Variants in CPNE8 observed in about 807,000 individuals in gnomAD.
CPNE8 encodes the protein copine-8.
A neutral mutation model predicts 81.5 loss-of-function variants in CPNE8; 45 were observed. The observed-to-expected ratio is 0.55, with a 90% CI of 0.44 to 0.71. CPNE8 has a LOEUF of 0.71. Ranked by LOEUF, CPNE8 falls within the 30% of genes least tolerant of loss-of-function variation. The probability of loss-of-function intolerance (pLI) is 0.00; values close to 1 mark genes in which losing one functional copy is unlikely to be tolerated. For synonymous variants in CPNE8, 252 were observed against 226.3 expected, an observed-to-expected ratio of 1.11 and a Z score of -1.02; for missense variants, 594 against 672.1, an observed-to-expected ratio of 0.88 and a Z score of 1.28.
intron 3 of CPNE8, among the ~76,000 whole-genome samples, chr12:38,853,774 C>A (rs1471324964): frequency 6.6e-6 from 1 of 152,024 alleles, no homozygotes; most frequent in Non-Finnish European, 1.5e-5. Context: ...AAATACTCCT[C>A]ATTTCTAAAT....
chr12:38,672,996 AT>A (rs776472587), intron 18 of CPNE8, among the ~76,000 whole-genome samples: 4 of 152,144 alleles, frequency 2.6e-5, no homozygotes, highest in African/African-American at 4.8e-5. Flanking sequence ...TAAAATTGTA[AT>A]TCCCATGTGT....
chr12:38,799,968 C>A (rs1211312414), intron 6 of CPNE8, among the ~76,000 whole-genome samples: 1 of 148,944 alleles, frequency 6.7e-6, no homozygotes, highest in East Asian at 2.0e-4. Flanking sequence ...AAACGGCGCA[C>A]CACGAGACTG....
chr12:38,695,693 C>T (rs913686081), intron 14 of CPNE8, among the ~76,000 whole-genome samples: 3 of 152,104 alleles, frequency 2.0e-5, no homozygotes, highest in Non-Finnish European at 4.4e-5. Context: ...AATCCTAGCA[C>T]TCTGGGAGGC....
intron 6 of CPNE8, among the ~76,000 whole-genome samples, chr12:38,789,788 A>G (rs577740617): frequency 6.6e-6 from 1 of 152,042 alleles, no homozygotes; most frequent in South Asian, 2.1e-4. Context: ...AATGGGCAAA[A>G]GATCTGAATC....
At chr12:38,765,911 T>C (rs1399802592) in intron 8 of CPNE8, among the ~76,000 whole-genome samples, 1 of 152,040 alleles carries the variant, frequency 6.6e-6, no homozygotes, top group Non-Finnish European at 1.5e-5. Flanking sequence ...CAGGCTAGAG[T>C]GCAATGGCAC....
intron 14 of CPNE8, among the ~76,000 whole-genome samples, chr12:38,695,048 TA>T (rs1349620054): frequency 6.6e-6 from 1 of 152,182 alleles, no homozygotes; most frequent in African/African-American, 2.4e-5. Context: ...ACAAAATCAC[TA>T]AAAAAGTATC....
chr12:38,808,059 T>A (rs1942854369), intron 6 of CPNE8, among the ~76,000 whole-genome samples: 2 of 151,996 alleles, frequency 1.3e-5, no homozygotes, highest in African/African-American at 4.8e-5. Flanking sequence ...TGAGATATCA[T>A]CTCACACCAG....
intron 1 of CPNE8, among the ~76,000 whole-genome samples, chr12:38,896,751 A>T (rs1390605846): frequency 6.6e-6 from 1 of 152,050 alleles, no homozygotes; most frequent in Non-Finnish European, 1.5e-5. Flanking sequence ...GTTTTATTCC[A>T]CACTCTCTCC....
At chr12:38,904,497 C>A (rs1944535177) in intron 1 of CPNE8, among the ~76,000 whole-genome samples, 1 of 131,818 alleles carries the variant, frequency 7.6e-6, no homozygotes, top group Non-Finnish European at 1.5e-5. Context: ...GAGATGGAGT[C>A]TTGCGCTGTC....
At chr12:38,799,774 CA>C (rs531251093) in intron 6 of CPNE8, among the ~76,000 whole-genome samples, 184 of 142,676 alleles carry the variant, frequency 1.3e-3, no homozygotes, top group African/African-American at 4.2e-3. Context: ...GAGTGCCAGA[CA>C]GTGGGCGCAG....
chr12:38,658,304 T>C (rs537794240), intron 19 of CPNE8, among the ~76,000 whole-genome samples: 7 of 152,194 alleles, frequency 4.6e-5, no homozygotes, highest in East Asian at 3.9e-4. Flanking sequence ...ATATCAGTGA[T>C]TGAAGATCAA....
chr12:38,766,582 A>G (rs994883662), intron 8 of CPNE8, among the ~76,000 whole-genome samples: 2 of 152,148 alleles, frequency 1.3e-5, no homozygotes, highest in African/African-American at 2.4e-5. Flanking sequence ...ATCATTTTAA[A>G]CTGGCCAGTG....
At chr12:38,855,519 A>G (rs1374297347) in intron 3 of CPNE8, among the ~76,000 whole-genome samples, 1 of 152,134 alleles carries the variant, frequency 6.6e-6, no homozygotes, top group Non-Finnish European at 1.5e-5. Context: ...TGTCATAACA[A>G]CATATAATGA....
intron 15 of CPNE8, among the ~76,000 whole-genome samples, chr12:38,690,412 A>AC (rs1160627157): frequency 6.6e-6 from 1 of 152,208 alleles, no homozygotes; most frequent in Non-Finnish European, 1.5e-5. Context: ...CTTTGAAAAA[A>AC]ATTAAAGTAA....
chr12:38,708,458 T>A (rs1297613142), intron 13 of CPNE8, among the ~76,000 whole-genome samples: 1 of 152,182 alleles, frequency 6.6e-6, no homozygotes, highest in Non-Finnish European at 1.5e-5. Context: ...CGAAACATTT[T>A]GTTTAGGAAG....
rs1940803050 is a variant in CPNE8, at chr12:38,730,369, A to AG, written c.723-12dup. 1 of 1,314,020 alleles carries AG rather than the reference A, an allele frequency of 7.6e-7. No individual in the cohort carries two copies. The highest frequency in any genetic ancestry group is 1.0e-6 in the Non-Finnish European group (1 of 971,954). 81.4% of individuals were successfully genotyped at this position (1,314,020 alleles called of 1,614,324 possible). On this transcript the variant is annotated splice_polypyrimidine_tract_variant and intron_variant, in intron 10 of 19. Transcript: ENST00000331366. ...CCAATGAAATCATGACTAAAATTAA[A>AG]GGAAAAAAGTACATAATATTGGCTT...
intron 14 of CPNE8, among the ~76,000 whole-genome samples, chr12:38,697,339 C>A (rs1252261555): frequency 6.6e-6 from 1 of 152,122 alleles, no homozygotes; most frequent in Non-Finnish European, 1.5e-5. Context: ...TTATAGCCTG[C>A]ATGTATTAGT....
intron 6 of CPNE8, 109 bp downstream of exon 6, chr12:38,829,267 CAAG>C (rs1565638313): frequency 3.0e-6 from 2 of 658,452 alleles, no homozygotes; most frequent in Non-Finnish European, 2.7e-6. Flanking sequence ...AAAACTCAAA[CAAG>C]ATTTTAAAAC....
At chr12:38,677,042 T>C (rs937175556) in intron 17 of CPNE8, among the ~76,000 whole-genome samples, 22 of 152,148 alleles carry the variant, frequency 1.4e-4, no homozygotes, top group African/African-American at 5.1e-4. Context: ...GGATGGTTTT[T>C]TAATCAATCA....
Sources: allele counts gnomAD v4.1 joint callset (sites outside exome capture counted in the v4.1 genomes callset), GRCh38; gene constraint gnomAD v4.1.1; transcripts MANE v1.5; gene names NCBI Gene and HGNC (gene_info 2026-07-23, HGNC 2026-07-21).